The following VPS8 variants were observed in gnomAD, a reference collection of about 807,000 sequenced individuals.
VPS8 encodes the protein vacuolar protein sorting-associated protein 8 homolog.
In VPS8, 129 loss-of-function variants were observed where a neutral mutation model predicts 216.4. The ratio of observed to expected loss-of-function variants is 0.60; its 90% CI spans 0.52 to 0.69. The LOEUF is 0.69. Among genes scored for constraint, VPS8 ranks in the 30% least tolerant of loss-of-function variants. The pLI, the probability that VPS8 is intolerant of heterozygous loss-of-function variation, is 0.00. For synonymous variants in VPS8, 571 were observed against 565.4 expected (o/e 1.01, Z -0.14); for missense variants, 1,531 against 1,683.5 (o/e 0.91, Z 1.59).
At chr3:184,865,034 GA>G (rs1191562100) in intron 16 of VPS8, among the ~76,000 whole-genome samples, 2 of 152,066 alleles carry the variant, frequency 1.3e-5, no homozygotes, top group Non-Finnish European at 2.9e-5. Flanking sequence ...GCTTATAGAT[GA>G]AAAAATGCGC....
At chr3:185,022,652 C>T (rs1027665356) in intron 45 of VPS8, among the ~76,000 whole-genome samples, 1 of 152,010 alleles carries the variant, frequency 6.6e-6, no homozygotes, top group Non-Finnish European at 1.5e-5. Flanking sequence ...TGTAATATAT[C>T]CTCTTTCATT....
intron 25 of VPS8, among the ~76,000 whole-genome samples, chr3:184,908,157 G>T (rs1735823262): frequency 6.6e-6 from 1 of 152,162 alleles, no homozygotes; most frequent in Non-Finnish European, 1.5e-5. Context: ...TGTTCCCACA[G>T]AGTGAGTTCT....
chr3:185,003,630 G>T (rs74708609), intron 45 of VPS8, among the ~76,000 whole-genome samples: 1 of 150,924 alleles, frequency 6.6e-6, no homozygotes, highest in East Asian at 2.0e-4. Context: ...CCACAAAACC[G>T]CCATTGTCAT....
intron 35 of VPS8, among the ~76,000 whole-genome samples, chr3:184,939,544 T>C (rs1244790465): frequency 6.9e-6 from 1 of 145,674 alleles, no homozygotes; most frequent in Non-Finnish European, 1.5e-5. Context: ...AGAGAAGATA[T>C]TGCTGTCCTC....
chr3:185,013,885 G>A (rs7645222), intron 45 of VPS8, among the ~76,000 whole-genome samples: 7 of 152,176 alleles, frequency 4.6e-5, no homozygotes, highest in African/African-American at 1.7e-4. Context: ...ATGATTCCAT[G>A]GGAATCGTTG....
intron 2 of VPS8, among the ~76,000 whole-genome samples, chr3:184,825,214 C>T (rs988430186): frequency 2.6e-5 from 4 of 152,094 alleles, no homozygotes; most frequent in Non-Finnish European, 5.9e-5. Context: ...TAGTCCATTA[C>T]AGTTTATGAA....
At chr3:184,969,776 G>A (rs1056835057) in intron 39 of VPS8, among the ~76,000 whole-genome samples, 1 of 151,512 alleles carries the variant, frequency 6.6e-6, no homozygotes, top group Non-Finnish European at 1.5e-5. Flanking sequence ...AAAAAATTAA[G>A]AAGAGCATTC....
chr3:185,027,436 G>T (rs1293009137), intron 46 of VPS8, among the ~76,000 whole-genome samples: 1 of 151,224 alleles, frequency 6.6e-6, no homozygotes, highest in Non-Finnish European at 1.5e-5. Flanking sequence ...TAGAGACGGG[G>T]TTTCACTGTG....
At chr3:184,908,899 G>A (rs977621216) in intron 25 of VPS8, among the ~76,000 whole-genome samples, 14 of 152,202 alleles carry the variant, frequency 9.2e-5, no homozygotes, top group African/African-American at 3.4e-4. Context: ...TAGCAGTATT[G>A]GAAAAGGCAA....
chr3:184,976,155 C>T (rs150147271), intron 40 of VPS8, among the ~76,000 whole-genome samples: 1 of 152,164 alleles, frequency 6.6e-6, no homozygotes, highest in East Asian at 1.9e-4. Context: ...TAATGAAATT[C>T]CCATGGACTC....
chr3:185,022,776 G>A (rs1314393401), intron 45 of VPS8, among the ~76,000 whole-genome samples: 2 of 151,926 alleles, frequency 1.3e-5, no homozygotes. Flanking sequence ...TATCTTGGTT[G>A]TTTATTTTTA....
intron 46 of VPS8, among the ~76,000 whole-genome samples, chr3:185,032,096 G>A (rs372659473): frequency 4.6e-5 from 7 of 151,992 alleles, no homozygotes; most frequent in Admixed American, 6.6e-5. Flanking sequence ...CCCGGGAGGC[G>A]GAGGTTGCAG....
intron 46 of VPS8, among the ~76,000 whole-genome samples, chr3:185,047,285 G>C (rs932702448): frequency 1.3e-5 from 2 of 152,218 alleles, no homozygotes; most frequent in Non-Finnish European, 1.5e-5. Flanking sequence ...CATCTGCTAC[G>C]TGTTCTGTGT....
intron 45 of VPS8, among the ~76,000 whole-genome samples, chr3:185,006,505 C>T (rs994784002): frequency 1.3e-5 from 2 of 152,134 alleles, no homozygotes; most frequent in Non-Finnish European, 2.9e-5. Context: ...ACATCCATAC[C>T]ATATTGGCAG....
chr3:184,980,309 C>T (rs947608571), intron 40 of VPS8, among the ~76,000 whole-genome samples: 1 of 151,988 alleles, frequency 6.6e-6, no homozygotes, highest in South Asian at 2.1e-4. Context: ...GGGTTCTCTG[C>T]ATTTCCTGAG....
intron 13 of VPS8, among the ~76,000 whole-genome samples, chr3:184,854,549 C>A (rs1295350995): frequency 6.6e-6 from 1 of 152,174 alleles, no homozygotes; most frequent in South Asian, 2.1e-4. Context: ...CGTTGCCCTT[C>A]TGAGTGCAGT....
chr3:184,978,980 G>C (rs980645112), intron 40 of VPS8, among the ~76,000 whole-genome samples: 7 of 152,166 alleles, frequency 4.6e-5, no homozygotes, highest in South Asian at 2.1e-4. Flanking sequence ...CTGTGTCCCA[G>C]AGATTCTGGT....
At chr3:184,911,135 A>T (rs1313972492) in intron 25 of VPS8, among the ~76,000 whole-genome samples, 2 of 152,208 alleles carry the variant, frequency 1.3e-5, no homozygotes, top group African/African-American at 4.8e-5. Flanking sequence ...CTAAAAGAAG[A>T]TATTGGGAAG....
intron 46 of VPS8, among the ~76,000 whole-genome samples, chr3:185,036,464 C>T (rs890742368): frequency 1.3e-5 from 2 of 152,100 alleles, no homozygotes; most frequent in Non-Finnish European, 2.9e-5. Context: ...CTCAAACCTA[C>T]AACCACCTGA....
Sources: gnomAD v4.1 joint callset for allele counts (sites outside exome capture counted in the v4.1 genomes callset) on GRCh38, gnomAD v4.1.1 for gene constraint, MANE v1.5 for transcripts, NCBI Gene and HGNC (gene_info 2026-07-23, HGNC 2026-07-21) for gene names.